Variants in NIPAL2 observed in about 807,000 individuals in gnomAD.
NIPAL2 encodes the protein NIPA like domain containing 2, also known as NIPA-like protein 2.
In NIPAL2, 43 loss-of-function variants were observed where a neutral mutation model predicts 48.9. That is an observed-to-expected ratio of 0.88 (90% CI 0.69 to 1.13). The LOEUF (loss-of-function observed/expected upper bound fraction) is 1.13. Ranked by LOEUF, NIPAL2 falls within the 50% of genes most tolerant of loss-of-function variation. NIPAL2 has a pLI of 0.00. For missense variants in NIPAL2, 446 were observed against 461.4 expected (o/e 0.97, Z 0.31); for synonymous variants, 167 against 174.6 (o/e 0.96, Z 0.34).
Position 98,206,419 on chromosome 8 carries a change from C to A in NIPAL2, c.656-1173G>T, listed in dbSNP as rs369113416. Reference sequence around the variant, plus strand: ...GAAAAGCCTCCCATAATATCGTTTTCCAAAAACTGAAAATATACTTTAACT... The same window carrying A: ...GAAAAGCCTCCCATAATATCGTTTTACAAAAACTGAAAATATACTTTAACT... On this transcript the variant is annotated intron_variant, in intron 6 of 10. Coordinates refer to ENST00000430223, the MANE Select transcript of NIPAL2 (RefSeq NM_001321635.2). Among the ~76,000 whole-genome samples, 6 of 152,040 alleles carry A rather than the reference C, an allele frequency of 3.9e-5. No homozygotes were observed. In the South Asian group the frequency reaches 8.3e-4, roughly 21 times the overall value.
intron 5 of NIPAL2, among the ~76,000 whole-genome samples, chr8:98,217,933 A>T (rs1811655058): frequency 6.6e-6 from 1 of 152,228 alleles, no homozygotes. Context: ...TCTAACCACC[A>T]CTTAATGGAT....
chr8:98,279,627 C>A lies in NIPAL2; in HGVS notation c.135+14376G>T, dbSNP rs1233126665. On this transcript the variant is annotated intron_variant, in intron 1 of 10. Transcript: ENST00000430223. ...GCAGCCAAATTTTGAGCCCAAGGCA[C>A]CCAGGTCAAGTCTGAATCACTATTT... 2.6e-5 allele frequency among the ~76,000 whole-genome samples: 4 copies of A among 152,274 alleles called. No homozygotes were observed. In the South Asian group the frequency reaches 8.3e-4, roughly 32 times the overall value.
chr8:98,280,703 A>G (rs770143675), intron 1 of NIPAL2, among the ~76,000 whole-genome samples: 29 of 140,226 alleles, frequency 2.1e-4, no homozygotes, highest in Non-Finnish European at 3.4e-4. Flanking sequence ...AAAGATTTAT[A>G]ACATGTGCCT....
At chr8:98,260,021 T>A (rs1378320386) in intron 1 of NIPAL2, among the ~76,000 whole-genome samples, 1 of 152,174 alleles carries the variant, frequency 6.6e-6, no homozygotes, top group Non-Finnish European at 1.5e-5. Context: ...TAAGGTTGAC[T>A]AAGAAGGTGA....
rs191084360 is a variant in NIPAL2 at position 98,273,830 on chromosome 8, T to C, written c.136-19743A>G. Reference sequence around the variant, plus strand: ...TAATATATGAAAGTACCACTATACATTTCCCTCTAAGTACACTGTCTGTCT... The same window carrying C: ...TAATATATGAAAGTACCACTATACACTTCCCTCTAAGTACACTGTCTGTCT... On this transcript the variant is annotated intron_variant, in intron 1 of 10. Transcript: ENST00000430223. Among the ~76,000 whole-genome samples, 484 of 152,232 alleles carry C rather than the reference T, an allele frequency of 3.2e-3. 1 individual carries two copies. The highest frequency in any genetic ancestry group is 0.011 in the African/African-American group (456 of 41,580).
intron 8 of NIPAL2, among the ~76,000 whole-genome samples, chr8:98,199,651 A>C (rs1259648): frequency 3.9e-5 from 6 of 152,202 alleles, no homozygotes; most frequent in Admixed American, 1.3e-4. Context: ...ATCACAGATC[A>C]CCGTAACAGA....
At chr8:98,204,691 C>T (rs1810947426) in intron 7 of NIPAL2, among the ~76,000 whole-genome samples, 1 of 151,954 alleles carries the variant, frequency 6.6e-6, no homozygotes, top group African/African-American at 2.4e-5. Context: ...CTGGTTTCGT[C>T]CTTCTCTGGG....
At chr8:98,284,429 CA>C (rs1164617437) in intron 1 of NIPAL2, among the ~76,000 whole-genome samples, 2 of 151,992 alleles carry the variant, frequency 1.3e-5, no homozygotes, top group African/African-American at 4.8e-5. Context: ...CACACACACA[CA>C]CACACACACA....
chr8:98,240,772 TCCAGGTGA>T (rs1385935833), intron 3 of NIPAL2, among the ~76,000 whole-genome samples: 1 of 152,172 alleles, frequency 6.6e-6, no homozygotes, highest in Non-Finnish European at 1.5e-5. Context: ...AGAGTATCAC[TCCAGGTGA>T]AAAGAAGAAG....
Position 98,203,208 on chromosome 8 carries a change from G to A in NIPAL2, c.792-12C>T. On this transcript the variant is annotated splice_polypyrimidine_tract_variant and intron_variant, in intron 7 of 10. Transcript: ENST00000430223. ...CTTGATTCAGGAACCTAGGGCAGAA[G>A]GCACTTACTGGAGCTTTGGCTTTAG... 6.2e-6 allele frequency: 10 copies of A among 1,600,874 alleles called. No homozygotes were observed. Among genetic ancestry groups the A allele is most frequent in the Non-Finnish European group, 8.6e-6 (10 of 1,168,078 alleles).
At chr8:98,267,046 A>T (rs978303631) in intron 1 of NIPAL2, among the ~76,000 whole-genome samples, 7 of 150,104 alleles carry the variant, frequency 4.7e-5, no homozygotes, top group Non-Finnish European at 1.0e-4. Context: ...TTTATTCCCC[A>T]TTTTTTTTGC....
rs756180542 is a variant in NIPAL2, at chr8:98,233,487, T to C, written c.436+2668A>G. ...AGCTTTGCATTTTTCAAAGTACTTA[T>C]ATATGAATTATTTAATGTGATCTTC... On this transcript the variant is annotated intron_variant, in intron 4 of 10. Coordinates refer to ENST00000430223, the MANE Select transcript of NIPAL2 (RefSeq NM_001321635.2). Among the ~76,000 whole-genome samples the C allele has an allele frequency of 5.3e-4, 81 of 152,164 alleles. 1 individual carries two copies. Among genetic ancestry groups the C allele is most frequent in the Non-Finnish European group, 1.8e-4 (12 of 68,040 alleles).
chr8:98,235,596 TG>T (rs1315621419), intron 4 of NIPAL2, among the ~76,000 whole-genome samples: 1 of 152,024 alleles, frequency 6.6e-6, no homozygotes, highest in Non-Finnish European at 1.5e-5. Context: ...GTAACACAAA[TG>T]TTTTCATTGA....
chr8:98,227,466 G>A (rs10096435), intron 4 of NIPAL2, among the ~76,000 whole-genome samples: 56,204 of 151,922 alleles, frequency 0.37, 12,421 homozygotes, highest in South Asian at 0.52. Flanking sequence ...TTAGTCAGCA[G>A]GTGATGAATC....
intron 9 of NIPAL2, among the ~76,000 whole-genome samples, chr8:98,195,265 C>T (rs1460282438): frequency 6.6e-6 from 1 of 152,132 alleles, no homozygotes; most frequent in African/African-American, 2.4e-5. Context: ...ATTGAATTTT[C>T]AAGATAGATG....
intron 1 of NIPAL2, among the ~76,000 whole-genome samples, chr8:98,260,314 C>T (rs1430804810): frequency 2.6e-5 from 4 of 152,194 alleles, no homozygotes; most frequent in Non-Finnish European, 5.9e-5. Context: ...GTCTACAGCT[C>T]CCAGTGTGAG....
At chr8:98,250,117 C>G (rs772836246) in intron 3 of NIPAL2, among the ~76,000 whole-genome samples, 4 of 152,150 alleles carry the variant, frequency 2.6e-5, no homozygotes, top group South Asian at 2.1e-4. Flanking sequence ...CTCTCTCTCT[C>G]TGTCTCCTAC....
At chr8:98,276,186 A>T (rs1484977317) in intron 1 of NIPAL2, among the ~76,000 whole-genome samples, 1 of 152,150 alleles carries the variant, frequency 6.6e-6, no homozygotes, top group African/African-American at 2.4e-5. Context: ...ACATGTATCC[A>T]CCATTATAAT....
At position 98,198,299 on chromosome 8, in the gene NIPAL2, A is replaced by G. The variant is rs560501580; in HGVS notation, c.881-2294T>C. Among the ~76,000 whole-genome samples the G allele has an allele frequency of 6.6e-5, 10 of 152,286 alleles. No homozygotes were observed. The South Asian group carries it at 2.1e-3, about 32-fold the overall frequency. On this transcript the variant is annotated intron_variant, in intron 8 of 10. Coordinates refer to ENST00000430223, the MANE Select transcript of NIPAL2 (RefSeq NM_001321635.2). Reference sequence around the variant, plus strand: ...ATTCAGTAACCCATGCCATAAACAGATGTGTTGTTATCCAGGCTTAGTTGT... The same window carrying G: ...ATTCAGTAACCCATGCCATAAACAGGTGTGTTGTTATCCAGGCTTAGTTGT...
Sources: allele counts gnomAD v4.1 joint callset (sites outside exome capture counted in the v4.1 genomes callset), GRCh38; gene constraint gnomAD v4.1.1; transcripts MANE v1.5; gene names NCBI Gene and HGNC (gene_info 2026-07-23, HGNC 2026-07-21).